Variants in KCNJ5 observed in about 807,000 individuals in gnomAD.
The protein encoded by KCNJ5 is potassium inwardly rectifying channel subfamily J member 5.
KCNJ5 carries 12 observed loss-of-function variants against 20.2 expected under a neutral mutation model. The ratio of observed to expected loss-of-function variants is 0.59; its 90% CI spans 0.38 to 0.96. KCNJ5 has a LOEUF of 0.96. Ranked by LOEUF, KCNJ5 falls within the 40% of genes least tolerant of loss-of-function variation. The probability of loss-of-function intolerance (pLI) is 0.00; values close to 1 mark genes in which losing one functional copy is unlikely to be tolerated. For missense variants in KCNJ5, 449 were observed against 557.6 expected, an observed-to-expected ratio of 0.81 and a Z score of 1.96; for synonymous variants, 210 against 213.9, an observed-to-expected ratio of 0.98 and a Z score of 0.16.
At chr11:128,901,310 C>T (rs957197839) in intron 1 of KCNJ5, 2 of 152,242 alleles carry the variant, frequency 1.3e-5, no homozygotes, top group South Asian at 2.1e-4. Flanking sequence ...GGACACATTA[C>T]ACTTATTCCA....
intron 1 of KCNJ5, among the ~76,000 whole-genome samples, chr11:128,910,910 C>T (rs1032289221): frequency 3.3e-5 from 5 of 152,194 alleles, no homozygotes; most frequent in Non-Finnish European, 7.3e-5. Context: ...ACATGTAATG[C>T]GTGGGACACA....
rs201935642 is a variant in KCNJ5, at chr11:128,916,198, T to TTGGA, written c.938-187_938-184dup. On this transcript the variant is annotated intron_variant, in intron 2 of 2. Transcript: ENST00000529694. ...TTTCCATATCTGGATGGATGGATGG[T>TTGGA]TGGATGGATGGATGGATGGATGGAT... 0.011 allele frequency among the ~76,000 whole-genome samples: 1,071 copies of TTGGA among 98,850 alleles called. 18 individuals carry two copies. Among genetic ancestry groups the TTGGA allele is most frequent in the African/African-American group, 0.036 (909 of 25,022 alleles). The allele number at this position is 98,850 out of a possible 152,430, so 64.8% of individuals were successfully genotyped here.
chr11:128,897,208 C>T (rs999541629), intron 1 of KCNJ5, among the ~76,000 whole-genome samples: 6 of 151,492 alleles, frequency 4.0e-5, no homozygotes, highest in African/African-American at 1.2e-4. Context: ...AGTGATTCTC[C>T]GGCCTCAGCC....
At chr11:128,894,503 T>C (rs1283275158) in intron 1 of KCNJ5, among the ~76,000 whole-genome samples, 1 of 152,240 alleles carries the variant, frequency 6.6e-6, no homozygotes, top group African/African-American at 2.4e-5. Flanking sequence ...AGTGCGGATC[T>C]GTCATCAGAT....
rs1322508105 is a variant in KCNJ5 at position 128,912,273 on chromosome 11, G to A, written c.937+63G>A. The A allele has an allele frequency of 3.5e-5, 45 of 1,290,246 alleles. No individual in the cohort carries two copies. The East Asian group carries it at 9.9e-4, about 28-fold the overall frequency. The allele number at this position is 1,290,246 out of a possible 1,614,324, so 79.9% of individuals were successfully genotyped here. ...ACCTACACTTCAGACTTAGGCAACT[G>A]TGACTCCAGAAGATGCAGGTCTGTG... is the stretch of plus-strand genomic sequence containing the variant. On this transcript the variant is annotated intron_variant, in intron 2 of 2. Coordinates refer to ENST00000529694, the MANE Select transcript of KCNJ5 (RefSeq NM_000890.5).
intron 2 of KCNJ5, 151 bp downstream of exon 2, chr11:128,912,361 C>T (rs1460236823): frequency 4.1e-6 from 3 of 725,902 alleles, no homozygotes; most frequent in Non-Finnish European, 2.5e-6. Context: ...TTGAGGGGTA[C>T]TGGTACTCAA....
At chr11:128,900,217 T>C (rs1944251696) in intron 1 of KCNJ5, 1 of 152,152 alleles carries the variant, frequency 6.6e-6, no homozygotes, top group South Asian at 2.1e-4. Context: ...AGAATTGAAC[T>C]CCCCAAGCAA....
At chr11:128,909,946 T>A (rs974850968) in intron 1 of KCNJ5, 2 of 152,196 alleles carry the variant, frequency 1.3e-5, no homozygotes, top group African/African-American at 4.8e-5. Context: ...GTGTGGTGAG[T>A]GCTGTGGGTC....
Position 128,912,086 on chromosome 11 carries a change from G to A in KCNJ5, c.813G>A (p.Val271=). 6.2e-7 allele frequency: 1 copy of A among 1,613,876 alleles called. No individual in the cohort carries two copies. The highest frequency in any genetic ancestry group is 1.1e-5 in the South Asian group (1 of 91,082). The change falls in exon 2 of 3, where the codon GTG becomes GTA. Residue 271 remains valine (V), a synonymous_variant. Transcript: ENST00000529694. ...FDTGDDRLFL[V]SPLIISHEIN... Reference sequence around the variant, plus strand: ...CGGGCGACGACCGCCTCTTCCTTGTGTCTCCTCTGATCATCTCCCATGAGA... The same window carrying A: ...CGGGCGACGACCGCCTCTTCCTTGTATCTCCTCTGATCATCTCCCATGAGA...
chr11:128,902,552 C>T (rs1316181176), intron 1 of KCNJ5: 6 of 1,595,158 alleles, frequency 3.8e-6, no homozygotes, highest in Non-Finnish European at 5.1e-6. Context: ...GGCAAGGAGA[C>T]AGGGCTAGTT....
chr11:128,916,104 G>GGATT lies in KCNJ5; in HGVS notation c.938-302_938-301insTGAT, dbSNP rs1204477997. 6.4e-5 allele frequency among the ~76,000 whole-genome samples: 3 copies of GGATT among 47,186 alleles called. No homozygotes were observed. The African/African-American group carries it at 6.9e-4, about 11-fold the overall frequency. 31.0% of individuals were successfully genotyped at this position (47,186 alleles called of 152,430 possible). ...TCCATATCTGGATGGATAGATAATT[G>GGATT]GATGGATGGATGGATGGATGGATGG... On this transcript the variant is annotated intron_variant, in intron 2 of 2. Coordinates refer to ENST00000529694, the MANE Select transcript of KCNJ5 (RefSeq NM_000890.5).
intron 1 of KCNJ5, chr11:128,904,741 TTGAGTGGGGGTTCGC>T: frequency 1.8e-6 from 1 of 564,362 alleles, no homozygotes; most frequent in Non-Finnish European, 3.1e-6. Flanking sequence ...CCAGTGGGTG[TTGAGTGGGGGTTCGC>T]TGACTAATTG....
Position 128,920,429 on chromosome 11 carries a change from C to G in KCNJ5, c.*3698C>G, listed in dbSNP as rs1263727276. ...GGGCGCTTTTTCACACCCCTTATCT[C>G]ACGGCTTGCTTCCAGCCCCCATCAA... On this transcript the variant is annotated 3_prime_UTR_variant, in exon 3 of 3. Coordinates refer to ENST00000529694, the MANE Select transcript of KCNJ5 (RefSeq NM_000890.5). 3 of 152,292 alleles carry G rather than the reference C, an allele frequency of 2.0e-5. No individual in the cohort carries two copies. The highest frequency in any genetic ancestry group is 7.2e-5 in the African/African-American group (3 of 41,460). The allele number at this position is 152,292 out of a possible 1,614,324, so 9.4% of individuals were successfully genotyped here. A position where few individuals can be genotyped will look rare whatever the true frequency, so the allele number is the denominator to read the frequency against.
chr11:128,893,699 AGG>A (rs11296838), intron 1 of KCNJ5, among the ~76,000 whole-genome samples: 45 of 151,566 alleles, frequency 3.0e-4, no homozygotes, highest in Admixed American at 5.2e-4. Context: ...GCCAAGGGTG[AGG>A]GGGGGGGTCA....
In KCNJ5 at chr11:128,896,134, C is replaced by T. The variant is rs371474140; in HGVS notation, c.-11+4413C>T. ...CCCTCCATTTTTGTCTTTTTTCACTCATTCTCTTGATCATAAATGCCGTTT... is the reference window on the plus strand; with the variant it reads ...CCCTCCATTTTTGTCTTTTTTCACTTATTCTCTTGATCATAAATGCCGTTT... On this transcript the variant is annotated intron_variant, in intron 1 of 2. Transcript: ENST00000529694. Among the ~76,000 whole-genome samples the T allele has an allele frequency of 6.6e-5, 10 of 152,250 alleles. No individual in the cohort carries two copies. The East Asian group carries it at 1.7e-3, about 26-fold the overall frequency.
At chr11:128,903,445 T>C in intron 1 of KCNJ5, 1 of 1,614,102 alleles carries the variant, frequency 6.2e-7, no homozygotes, top group Non-Finnish European at 8.5e-7. Context: ...GGCATGCACA[T>C]CCTGCCCAGC....
chr11:128,916,320 G>A (rs1944581963), intron 2 of KCNJ5, 89 bp from the exon 3 acceptor site: 3 of 980,698 alleles, frequency 3.1e-6, no homozygotes, highest in Non-Finnish European at 3.3e-6. Flanking sequence ...ATAGATGGAT[G>A]GATGGATGGA....
At chr11:128,907,748 C>T (rs927417236) in intron 1 of KCNJ5, among the ~76,000 whole-genome samples, 3 of 152,188 alleles carry the variant, frequency 2.0e-5, no homozygotes, top group African/African-American at 7.2e-5. Flanking sequence ...CCACAGCATT[C>T]CTCCCTGTCT....
At chr11:128,901,687 T>C (rs1174766766) in intron 1 of KCNJ5, 1 of 152,184 alleles carries the variant, frequency 6.6e-6, no homozygotes, top group Non-Finnish European at 1.5e-5. Context: ...AGCTCCCCTT[T>C]GAGGGACTGA....
Sources: allele counts gnomAD v4.1 joint callset (sites outside exome capture counted in the v4.1 genomes callset), GRCh38; gene constraint gnomAD v4.1.1; transcripts MANE v1.5; gene names NCBI Gene and HGNC (gene_info 2026-07-23, HGNC 2026-07-21).